Variants in ADAMTS2 observed in about 807,000 individuals in gnomAD.
The protein encoded by ADAMTS2 is ADAM metallopeptidase with thrombospondin type 1 motif 2.
Under a neutral mutation model 123.0 loss-of-function variants are expected in ADAMTS2, and 50 were observed. That is an observed-to-expected ratio of 0.41 (90% CI 0.32 to 0.51). The LOEUF is 0.51. Among genes scored for constraint, ADAMTS2 ranks in the 20% least tolerant of loss-of-function variants. The pLI, the probability that ADAMTS2 is intolerant of heterozygous loss-of-function variation, is 0.35. For missense variants in ADAMTS2, 1,494 were observed against 1,705.2 expected, an observed-to-expected ratio of 0.88 and a Z score of 2.18; for synonymous variants, 678 against 695.4, an observed-to-expected ratio of 0.98 and a Z score of 0.39.
chr5:179,314,561 G>A lies in ADAMTS2; in HGVS notation c.534+29206C>T, dbSNP rs1046519811. The stretch of plus-strand genomic sequence containing the variant: ...TCCTGCCTCTGCAGCCCCCCGGGCC[G>A]TGTCTCTCTCTCACGGGCCCACATC... On this transcript the variant is annotated intron_variant, in intron 2 of 21. Coordinates refer to ENST00000251582, the MANE Select transcript of ADAMTS2 (RefSeq NM_014244.5). The surrounding 1 kb of genome is among the most constrained non-coding windows in gnomAD (Gnocchi z 4.5). Among the ~76,000 whole-genome samples the A allele has an allele frequency of 3.3e-5, 5 of 152,146 alleles. No individual in the cohort carries two copies. Among genetic ancestry groups the A allele is most frequent in the South Asian group, 2.1e-4 (1 of 4,824 alleles).
intron 3 of ADAMTS2, among the ~76,000 whole-genome samples, chr5:179,261,674 T>C (rs937378060): frequency 6.6e-6 from 1 of 152,204 alleles, no homozygotes; most frequent in African/African-American, 2.4e-5. Flanking sequence ...CTGGTAGCGC[T>C]GCCTGCGGCC....
intron 3 of ADAMTS2, among the ~76,000 whole-genome samples, chr5:179,230,805 GT>G (rs1244218545): frequency 6.6e-6 from 1 of 152,212 alleles, no homozygotes; most frequent in Non-Finnish European, 1.5e-5. Flanking sequence ...GAGGTCAGGA[GT>G]TCGAGACCAG....
At chr5:179,186,847 C>T (rs539976554) in intron 4 of ADAMTS2, among the ~76,000 whole-genome samples, 2 of 139,586 alleles carry the variant, frequency 1.4e-5, no homozygotes, top group Non-Finnish European at 3.1e-5. Flanking sequence ...CCCACCCCCC[C>T]ACCCACACAC....
At chr5:179,336,771 G>A (rs546762789) in intron 2 of ADAMTS2, among the ~76,000 whole-genome samples, 2 of 152,306 alleles carry the variant, frequency 1.3e-5, no homozygotes, top group Non-Finnish European at 2.9e-5. Context: ...TCTCAGGATC[G>A]TGGTGCTTGT....
chr5:179,239,733 C>T (rs1233787629), intron 3 of ADAMTS2, among the ~76,000 whole-genome samples: 4 of 152,144 alleles, frequency 2.6e-5, no homozygotes, highest in African/African-American at 9.6e-5. Context: ...GACCAAGGAG[C>T]GTCCAGGACA....
intron 3 of ADAMTS2, among the ~76,000 whole-genome samples, chr5:179,231,481 C>T (rs777451109): frequency 3.3e-5 from 5 of 152,120 alleles, no homozygotes; most frequent in Non-Finnish European, 5.9e-5. Flanking sequence ...TCTACCGCCT[C>T]GATGTGCTGA....
At chr5:179,151,871 T>C (rs1215488070) in intron 10 of ADAMTS2, among the ~76,000 whole-genome samples, 1 of 152,044 alleles carries the variant, frequency 6.6e-6, no homozygotes, top group Non-Finnish European at 1.5e-5. Flanking sequence ...CCCCAGAAAT[T>C]GCTCCTTAAA....
At chr5:179,124,688 G>C (rs1762820434) in intron 19 of ADAMTS2, among the ~76,000 whole-genome samples, 1 of 152,238 alleles carries the variant, frequency 6.6e-6, no homozygotes, top group African/African-American at 2.4e-5. Flanking sequence ...GGCCGAAAGG[G>C]GAATGCTCTG....
At chr5:179,257,228 C>T (rs544531502) in intron 3 of ADAMTS2, among the ~76,000 whole-genome samples, 91 of 152,358 alleles carry the variant, frequency 6.0e-4, no homozygotes, top group Middle Eastern at 3.4e-3. Context: ...GTGATGAAGG[C>T]CAAGAATGCT....
chr5:179,338,501 C>T (rs1008969193), intron 2 of ADAMTS2, among the ~76,000 whole-genome samples: 6 of 152,182 alleles, frequency 3.9e-5, no homozygotes, highest in Non-Finnish European at 8.8e-5. Context: ...TCACGTAAGG[C>T]AGCAGGGGAG....
chr5:179,205,934 G>A (rs970133659), intron 4 of ADAMTS2, among the ~76,000 whole-genome samples: 1 of 151,956 alleles, frequency 6.6e-6, no homozygotes, highest in Non-Finnish European at 1.5e-5. Flanking sequence ...ACCACGCCCG[G>A]CTAATTTTTT....
chr5:179,137,447 A>G (rs369160095), intron 12 of ADAMTS2, among the ~76,000 whole-genome samples: 8 of 152,356 alleles, frequency 5.3e-5, no homozygotes, highest in African/African-American at 1.9e-4. Flanking sequence ...CTCAGCCCTG[A>G]GCTGACCACA....
rs1763529668 is a variant in ADAMTS2 at position 179,158,565 on chromosome 5, A to G, written c.1132+158T>C. 6.6e-6 allele frequency among the ~76,000 whole-genome samples: 1 copy of G among 152,180 alleles called. No homozygotes were observed. Among genetic ancestry groups the G allele is most frequent in the South Asian group, 2.1e-4 (1 of 4,828 alleles). On this transcript the variant is annotated intron_variant, in intron 6 of 21. Coordinates refer to ENST00000251582, the MANE Select transcript of ADAMTS2 (RefSeq NM_014244.5). This position sits in a 1 kb window ranked among gnomAD's most constrained non-coding sequence, Gnocchi z 5.0. ...TCTTCTAATGATGTATTTGTCCATCAGTGCACTGCCCCACACCCTCACCCA... is the reference window on the plus strand; with the variant it reads ...TCTTCTAATGATGTATTTGTCCATCGGTGCACTGCCCCACACCCTCACCCA...
rs899854524 is a variant in ADAMTS2, at chr5:179,113,784, T to C, written c.*83A>G. The C allele has an allele frequency of 1.4e-5, 20 of 1,406,452 alleles. No individual in the cohort carries two copies. The highest frequency in any genetic ancestry group is 1.8e-5 in the Non-Finnish European group (18 of 995,152). The allele number at this position is 1,406,452 out of a possible 1,614,324, so 87.1% of individuals were successfully genotyped here. On this transcript the variant is annotated 3_prime_UTR_variant, in exon 22 of 22. Coordinates refer to ENST00000251582, the MANE Select transcript of ADAMTS2 (RefSeq NM_014244.5). ...TTTGGAATCAGGAATTTTGACTTCA[T>C]CTCCATGACACAGGATTTGCTATCC...
At chr5:179,193,089 C>T (rs888153475) in intron 4 of ADAMTS2, among the ~76,000 whole-genome samples, 10 of 152,318 alleles carry the variant, frequency 6.6e-5, no homozygotes, top group African/African-American at 2.4e-4. Context: ...GTGACCAAAA[C>T]CAGCTCAAGG....
intron 2 of ADAMTS2, among the ~76,000 whole-genome samples, chr5:179,306,188 C>T (rs1184396892): frequency 6.6e-6 from 1 of 151,768 alleles, no homozygotes; most frequent in Non-Finnish European, 1.5e-5. Flanking sequence ...ACCAATATCC[C>T]TCAATGAACA....
intron 2 of ADAMTS2, among the ~76,000 whole-genome samples, chr5:179,283,549 C>CAAAAAAAAAAAAAAAAA (rs3986816): frequency 1.2e-4 from 6 of 51,336 alleles, no homozygotes; most frequent in African/African-American, 3.8e-4. Context: ...AGAAAAACAG[C>CAAAAAAAAAAAAAAAAA]AAAAAAAAAA....
At chr5:179,335,365 A>C (rs1297384495) in intron 2 of ADAMTS2, among the ~76,000 whole-genome samples, 1 of 152,228 alleles carries the variant, frequency 6.6e-6, no homozygotes, top group Non-Finnish European at 1.5e-5. Flanking sequence ...AGTCTCTGAA[A>C]TCCAATGTAT....
intron 5 of ADAMTS2, among the ~76,000 whole-genome samples, chr5:179,164,838 T>C (rs1763667963): frequency 6.6e-6 from 1 of 152,186 alleles, no homozygotes; most frequent in Admixed American, 6.5e-5. Context: ...CTCAGGCTCA[T>C]GCACCCCAGA....
Sources: gnomAD v4.1 joint callset for allele counts (sites outside exome capture counted in the v4.1 genomes callset) on GRCh38, gnomAD v4.1.1 for gene constraint, Gnocchi (gnomAD v3.1) non-coding constraint, MANE v1.5 for transcripts, NCBI Gene and HGNC (gene_info 2026-07-23, HGNC 2026-07-21) for gene names.